Variants in DNAH11 observed in about 807,000 individuals in gnomAD.
DNAH11 encodes the protein axonemal beta dynein heavy chain 11.
Under a neutral mutation model 526.0 loss-of-function variants are expected in DNAH11, and 442 were observed. The observed-to-expected ratio is 0.84, with a 90% confidence interval of 0.78 to 0.91. The LOEUF (loss-of-function observed/expected upper bound fraction) is 0.91. Ranked by LOEUF, DNAH11 falls within the 40% of genes least tolerant of loss-of-function variation. The probability of loss-of-function intolerance (pLI) is 0.00; values close to 1 mark genes in which losing one functional copy is unlikely to be tolerated. For missense variants in DNAH11, 6,989 were observed against 5,448.7 expected (o/e 1.28, Z -8.90); for synonymous variants, 2,461 against 1,935.9 (o/e 1.27, Z -7.12).
chr7:21,586,974 C>G (rs1409363997), intron 9 of DNAH11, among the ~76,000 whole-genome samples: 2 of 152,216 alleles, frequency 1.3e-5, no homozygotes, highest in African/African-American at 4.8e-5. Context: ...TTGGGAAAAT[C>G]ATTCCCTCCT....
intron 55 of DNAH11, among the ~76,000 whole-genome samples, chr7:21,768,427 A>G (rs1787278395): frequency 6.6e-6 from 1 of 152,214 alleles, no homozygotes; most frequent in African/African-American, 2.4e-5. Context: ...AGCCAGATGA[A>G]AGGAGAAGTT....
rs1158261472 is a variant in DNAH11, at chr7:21,787,550, T to C, written c.9891T>C (p.Cys3297=). ...RTKSFAAAGL[C]AWVINIIKFY... is the part of the protein sequence containing the mutation. ...AATCTTTTGCAGCAGCTGGCCTGTG[T>C]GCCTGGGTCATCAACATCATTAAAT... The change falls in exon 60 of 82, where the codon TGT becomes TGC. Residue 3297 remains cysteine, a synonymous_variant. Transcript: ENST00000409508. The C allele has an allele frequency of 1.2e-6, 2 of 1,612,178 alleles. No individual in the cohort carries two copies. Among genetic ancestry groups the C allele is most frequent in the South Asian group, 2.2e-5 (2 of 90,480 alleles).
At chr7:21,650,920 G>A (rs953390968) in intron 28 of DNAH11, among the ~76,000 whole-genome samples, 7 of 149,928 alleles carry the variant, frequency 4.7e-5, no homozygotes, top group African/African-American at 9.9e-5. Flanking sequence ...GATTATAGGC[G>A]TAAGCCACCG....
rs1335609772 is a variant in DNAH11, at chr7:21,590,974, A to G, written c.2226A>G (p.Ile742Met). ...KYLLMLKKQD[I>M]PDSALAIFKK... ...TTTTGATGTTGAAGAAACAAGACAT[A>G]CCAGATTCAGCTTTAGCCATCTTCA... Residue 742 changes from isoleucine (I) to methionine (M), a missense_variant, in exon 13 of 82, where the codon ATA becomes ATG. By Grantham distance (10) the Ile-to-Met change is conservative. Coordinates refer to ENST00000409508, the MANE Select transcript of DNAH11 (RefSeq NM_001277115.2). 1.2e-5 allele frequency: 18 copies of G among 1,520,854 alleles called. No homozygotes were observed. Among genetic ancestry groups the G allele is most frequent in the Non-Finnish European group, 1.4e-5 (16 of 1,144,900 alleles). 94.2% of individuals were successfully genotyped at this position (1,520,854 alleles called of 1,614,324 possible). A position where few individuals can be genotyped will look rare whatever the true frequency, so the allele number is the denominator to read the frequency against.
chr7:21,727,423 A>C (rs1401801216), intron 45 of DNAH11, among the ~76,000 whole-genome samples: 1 of 152,180 alleles, frequency 6.6e-6, no homozygotes, highest in Non-Finnish European at 1.5e-5. Context: ...CGTTCTTCTT[A>C]TACCCTCCAG....
At chr7:21,835,946 G>A (rs955800579) in intron 65 of DNAH11, among the ~76,000 whole-genome samples, 5 of 149,664 alleles carry the variant, frequency 3.3e-5, no homozygotes, top group Non-Finnish European at 7.4e-5. Flanking sequence ...ACATAAGTCA[G>A]TAGTGTTTCT....
Position 21,601,078 on chromosome 7 carries a change from G to C in DNAH11, c.3324G>C (p.Trp1108Cys). 1 of 1,611,742 alleles carries C rather than the reference G, an allele frequency of 6.2e-7. No homozygotes were observed. The highest frequency in any genetic ancestry group is 8.5e-7 in the Non-Finnish European group (1 of 1,179,520). ...AGGACTTTAGAGTGTTTGATAGTTG[G>C]TTCAAGGTGGACATGAAGCCTTTCA... ...KFEDFRVFDS[W>C]FKVDMKPFKV... Residue 1108 changes from tryptophan (W) to cysteine (C), a missense_variant, in exon 17 of 82, where the codon TGG becomes TGC. Trp to Cys is a radical substitution (Grantham distance 215). Coordinates refer to ENST00000409508, the MANE Select transcript of DNAH11 (RefSeq NM_001277115.2).
intron 45 of DNAH11, among the ~76,000 whole-genome samples, chr7:21,728,367 C>G (rs1447672564): frequency 6.7e-6 from 1 of 148,808 alleles, no homozygotes; most frequent in African/African-American, 2.5e-5. Flanking sequence ...AAGCAATTCT[C>G]CTGCCTCAGC....
Position 21,636,111 on chromosome 7 carries a change from G to C in DNAH11, c.4725+16G>C. ...TGAATTTAAGGTTTGTCAAAGACAG[G>C]CTGTATGCTATTCTAGCAAAGTTTT... On this transcript the variant is annotated intron_variant, in intron 26 of 81. Coordinates refer to ENST00000409508, the MANE Select transcript of DNAH11 (RefSeq NM_001277115.2). 2.5e-6 allele frequency: 4 copies of C among 1,584,728 alleles called. No homozygotes were observed. Among genetic ancestry groups the C allele is most frequent in the Non-Finnish European group, 3.4e-6 (4 of 1,161,164 alleles).
chr7:21,625,353 G>A (rs1442656958), intron 25 of DNAH11, among the ~76,000 whole-genome samples: 1 of 152,062 alleles, frequency 6.6e-6, no homozygotes, highest in Non-Finnish European at 1.5e-5. Flanking sequence ...TGTCGTATCA[G>A]TTGTAATAAC....
At chr7:21,752,528 TTTTG>T (rs1279120283) in intron 54 of DNAH11, among the ~76,000 whole-genome samples, 2 of 152,200 alleles carry the variant, frequency 1.3e-5, no homozygotes, top group Admixed American at 6.5e-5. Flanking sequence ...TTTCCTATTC[TTTTG>T]TTTGTCTTTT....
chr7:21,786,512 G>A, intron 58 of DNAH11, 112 bp from the exon 59 acceptor site: 1 of 1,361,446 alleles, frequency 7.3e-7, no homozygotes, highest in Non-Finnish European at 9.8e-7. Context: ...ATTGAGACTG[G>A]TTTGATAAGG....
rs756227184 is a variant in DNAH11, at chr7:21,710,650, G to A, written c.6781G>A (p.Asp2261Asn). ...ACCAAAATGGATAGTCCTGGATGGC[G>A]ATATTGACCCCATGTGGATTGAATC... ...DGPKWIVLDG[D>N]IDPMWIESLN... The change falls in exon 41 of 82, where the codon GAT becomes AAT. Residue 2261 changes from aspartate to asparagine, a missense_variant. By Grantham distance (23) the Asp-to-Asn change is conservative. Transcript: ENST00000409508. The A allele has an allele frequency of 1.2e-6, 2 of 1,613,244 alleles. No homozygotes were observed. Among genetic ancestry groups the A allele is most frequent in the Non-Finnish European group, 1.7e-6 (2 of 1,179,600 alleles).
chr7:21,740,914 A>G (rs538884168), intron 48 of DNAH11, among the ~76,000 whole-genome samples: 1 of 152,308 alleles, frequency 6.6e-6, no homozygotes, highest in Middle Eastern at 3.4e-3. Flanking sequence ...GTTTTTTGAC[A>G]GTAATCATGC....
At chr7:21,629,870 A>G (rs776627868) in intron 25 of DNAH11, among the ~76,000 whole-genome samples, 1 of 152,052 alleles carries the variant, frequency 6.6e-6, no homozygotes, top group Non-Finnish European at 1.5e-5. Flanking sequence ...TTCTTTAGCT[A>G]TTCAGCCACT....
chr7:21,662,444 A>G (rs907837636), intron 30 of DNAH11, among the ~76,000 whole-genome samples: 1 of 152,134 alleles, frequency 6.6e-6, no homozygotes, highest in African/African-American at 2.4e-5. Context: ...TGCAGATACC[A>G]TAATCTTTAC....
intron 63 of DNAH11, among the ~76,000 whole-genome samples, 193 bp from the exon 64 acceptor site, chr7:21,816,274 T>G (rs1789787407): frequency 6.6e-6 from 1 of 152,186 alleles, no homozygotes; most frequent in South Asian, 2.1e-4. Context: ...CACAGAATTC[T>G]GAGATGTAAA....
At chr7:21,882,434 C>A (rs963709381) in intron 75 of DNAH11, among the ~76,000 whole-genome samples, 1 of 152,090 alleles carries the variant, frequency 6.6e-6, no homozygotes, top group Non-Finnish European at 1.5e-5. Flanking sequence ...TACAAAATGG[C>A]CTTTTCAAGA....
intron 29 of DNAH11, among the ~76,000 whole-genome samples, 193 bp from the exon 30 acceptor site, chr7:21,658,605 C>A (rs1488471047): frequency 6.6e-6 from 1 of 152,044 alleles, no homozygotes; most frequent in African/African-American, 2.4e-5. Context: ...AAGGCGGGTT[C>A]CTGCAGGAGA....
Sources: gnomAD v4.1 joint callset for allele counts (sites outside exome capture counted in the v4.1 genomes callset) on GRCh38, gnomAD v4.1.1 for gene constraint, MANE v1.5 for transcripts, NCBI Gene and HGNC (gene_info 2026-07-23, HGNC 2026-07-21) for gene names.